GLIS3: variants seen among roughly 807,000 people sequenced by gnomAD.
GLIS3 encodes GLIS family zinc finger 3.
In GLIS3, 53 loss-of-function variants were observed where a neutral mutation model predicts 78.6. The ratio of observed to expected loss-of-function variants is 0.67; its 90% CI spans 0.54 to 0.85. The LOEUF (loss-of-function observed/expected upper bound fraction) is 0.85. Among genes scored for constraint, GLIS3 ranks in the 40% least tolerant of loss-of-function variants. GLIS3 has a pLI of 0.00. For missense variants in GLIS3, 1,703 were observed against 1,231.1 expected (o/e 1.38, Z -5.74); for synonymous variants, 684 against 509.9 (o/e 1.34, Z -4.60).
chr9:3,982,653 G>T (rs1819399795), intron 4 of GLIS3, among the ~76,000 whole-genome samples: 1 of 152,192 alleles, frequency 6.6e-6, no homozygotes, highest in East Asian at 1.9e-4. Context: ...TCTGTTTCTG[G>T]CCAGTCAGAA....
In GLIS3 at chr9:4,174,019, A is replaced by C. The variant is rs183748568; in HGVS notation, c.389-48078T>G. 3.9e-5 allele frequency among the ~76,000 whole-genome samples: 6 copies of C among 152,206 alleles called. No homozygotes were observed. The East Asian group carries it at 1.2e-3, about 29-fold the overall frequency. On this transcript the variant is annotated intron_variant, in intron 2 of 10. Coordinates refer to ENST00000381971, the MANE Select transcript of GLIS3 (RefSeq NM_001042413.2). Reference sequence around the variant, plus strand: ...AAAAAAACTTAATTTCCACATTTCTATCTCAGTTTTTACTCTCATGTTTCA... The same window carrying C: ...AAAAAAACTTAATTTCCACATTTCTCTCTCAGTTTTTACTCTCATGTTTCA...
intron 2 of GLIS3, among the ~76,000 whole-genome samples, chr9:4,128,128 T>C (rs1832714466): frequency 6.6e-6 from 1 of 152,240 alleles, no homozygotes; most frequent in African/African-American, 2.4e-5. Context: ...TTAACCCTTA[T>C]CTTGTTCATG....
At chr9:4,275,263 C>G (rs1236306972) in intron 2 of GLIS3, among the ~76,000 whole-genome samples, 1 of 151,910 alleles carries the variant, frequency 6.6e-6, no homozygotes, top group Admixed American at 6.6e-5. Context: ...GTAAAATTTT[C>G]GAAAAAAGGA....
intron 2 of GLIS3, among the ~76,000 whole-genome samples, chr9:4,335,834 G>T (rs1817747911): frequency 6.6e-6 from 1 of 152,120 alleles, no homozygotes; most frequent in Admixed American, 6.5e-5. Context: ...GATTTAACAG[G>T]ATAAGGTGAT....
In GLIS3 at chr9:3,874,800, CTT is replaced by C. The variant is rs372427022; in HGVS notation, c.2297+4625_2297+4626del. 8.4e-4 allele frequency among the ~76,000 whole-genome samples: 128 copies of C among 152,268 alleles called. No individual in the cohort carries two copies. In the South Asian group the frequency reaches 0.025, roughly 30 times the overall value. ...GTTGAGTGAGAGAACAGAAAAAACA[CTT>C]TGTTTTTTTTCCTTATATTTACACT... On this transcript the variant is annotated intron_variant, in intron 8 of 10. Coordinates refer to ENST00000381971, the MANE Select transcript of GLIS3 (RefSeq NM_001042413.2).
At chr9:4,162,500 G>A (rs752089111) in intron 2 of GLIS3, among the ~76,000 whole-genome samples, 1 of 152,130 alleles carries the variant, frequency 6.6e-6, no homozygotes, top group Non-Finnish European at 1.5e-5. Flanking sequence ...ATAATTCAAT[G>A]AATAAGTCTA....
the GLIS3 span, among the ~76,000 whole-genome samples, chr9:4,489,929 C>T: frequency 6.6e-6 from 1 of 152,236 alleles, no homozygotes; most frequent in African/African-American, 2.4e-5. Flanking sequence ...GTGAAAGTTT[C>T]CAAAGCCATG....
At chr9:4,124,529 G>C (rs1832423226) in intron 3 of GLIS3, among the ~76,000 whole-genome samples, 1 of 152,188 alleles carries the variant, frequency 6.6e-6, no homozygotes, top group African/African-American at 2.4e-5. Flanking sequence ...GCAGCACTCA[G>C]CAAGTCTGAG....
chr9:4,319,422 T>C (rs1405889045), intron 2 of GLIS3, among the ~76,000 whole-genome samples: 1 of 152,254 alleles, frequency 6.6e-6, no homozygotes, highest in Non-Finnish European at 1.5e-5. Flanking sequence ...CATTATTCTA[T>C]TCTTGCAACT....
intron 7 of GLIS3, among the ~76,000 whole-genome samples, chr9:3,882,756 G>A (rs1821818961): frequency 6.6e-6 from 1 of 152,186 alleles, no homozygotes; most frequent in African/African-American, 2.4e-5. Flanking sequence ...AAGAAAGGGA[G>A]GGCTTTAGGG....
intron 2 of GLIS3, among the ~76,000 whole-genome samples, chr9:4,134,433 TG>T (rs141979811): frequency 1.0e-3 from 154 of 152,314 alleles, no homozygotes; most frequent in African/African-American, 3.5e-3. Context: ...AAATGGTGGC[TG>T]GCCTCCATAC....
chr9:4,037,547 A>AACACACACACAC (rs56254712), intron 4 of GLIS3, among the ~76,000 whole-genome samples: 4,223 of 147,406 alleles, frequency 0.029, 105 homozygotes, highest in East Asian at 0.12. Context: ...GTGTGCACAC[A>AACACACACACAC]ACACACACAC....
At chr9:4,446,472 C>T in the GLIS3 span, among the ~76,000 whole-genome samples, 1 of 151,410 alleles carries the variant, frequency 6.6e-6, no homozygotes, top group African/African-American at 2.4e-5. Flanking sequence ...TGTAGCTGTC[C>T]AAGTGGACTA....
At chr9:4,082,269 T>A (rs1020691681) in intron 4 of GLIS3, among the ~76,000 whole-genome samples, 3 of 152,168 alleles carry the variant, frequency 2.0e-5, no homozygotes, top group Non-Finnish European at 4.4e-5. Context: ...CTATGTGTGG[T>A]AGAAGAAAAA....
chr9:4,257,884 G>A (rs921701032), intron 2 of GLIS3, among the ~76,000 whole-genome samples: 1 of 151,954 alleles, frequency 6.6e-6, no homozygotes, highest in Non-Finnish European at 1.5e-5. Context: ...ACATGTATAT[G>A]TTTAATATGT....
intron 2 of GLIS3, among the ~76,000 whole-genome samples, chr9:4,213,639 T>C (rs1820562424): frequency 6.6e-6 from 1 of 152,232 alleles, no homozygotes; most frequent in Non-Finnish European, 1.5e-5. Flanking sequence ...ACACTAGACA[T>C]TACATTTTGT....
At chr9:4,427,939 C>G in the GLIS3 span, among the ~76,000 whole-genome samples, 1 of 151,722 alleles carries the variant, frequency 6.6e-6, no homozygotes, top group African/African-American at 2.4e-5. Flanking sequence ...ACCACCCAGA[C>G]CACTGAGTTG....
the GLIS3 span, among the ~76,000 whole-genome samples, chr9:4,401,970 T>C: frequency 6.6e-6 from 1 of 152,058 alleles, no homozygotes; most frequent in African/African-American, 2.4e-5. Flanking sequence ...TTAGCTATAG[T>C]AGAATAGAAC....
intron 2 of GLIS3, among the ~76,000 whole-genome samples, chr9:4,185,020 C>G (rs1015711837): frequency 6.6e-6 from 1 of 152,180 alleles, no homozygotes; most frequent in Non-Finnish European, 1.5e-5. Context: ...GTAAACTTAT[C>G]AAGTTGTATA....
Sources: allele counts gnomAD v4.1 joint callset (sites outside exome capture counted in the v4.1 genomes callset), GRCh38; gene constraint gnomAD v4.1.1; transcripts MANE v1.5; gene names NCBI Gene and HGNC (gene_info 2026-07-23, HGNC 2026-07-21).